Variants in SUGCT observed in about 807,000 individuals in gnomAD.
SUGCT encodes the protein succinyl-CoA:glutarate-CoA transferase.
Under a neutral mutation model 55.0 loss-of-function variants are expected in SUGCT, and 41 were observed. The ratio of observed to expected loss-of-function variants is 0.74; its 90% CI spans 0.58 to 0.97. SUGCT has a LOEUF of 0.97. SUGCT is among the 50% of genes least tolerant of loss of function. The pLI is 0.00. For synonymous variants in SUGCT, 187 were observed against 200.4 expected, an observed-to-expected ratio of 0.93 and a Z score of 0.56; for missense variants, 568 against 547.8, an observed-to-expected ratio of 1.04 and a Z score of -0.37.
chr7:40,887,085 T>A, the SUGCT span, among the ~76,000 whole-genome samples: 1 of 152,164 alleles, frequency 6.6e-6, no homozygotes, highest in Non-Finnish European at 1.5e-5. Context: ...TTTGAGGACC[T>A]CAAGGTGGAA....
chr7:40,260,958 G>A (rs552606438), intron 7 of SUGCT, among the ~76,000 whole-genome samples: 1 of 152,270 alleles, frequency 6.6e-6, no homozygotes, highest in East Asian at 1.9e-4. Flanking sequence ...TTTTATTAAA[G>A]CAAGGAACCC....
intron 3 of SUGCT, among the ~76,000 whole-genome samples, chr7:40,188,109 T>G (rs189653941): frequency 7.8e-4 from 119 of 151,852 alleles, no homozygotes; most frequent in African/African-American, 2.7e-3. Flanking sequence ...GGTAGTACTA[T>G]TTTTATTTTT....
At chr7:40,379,822 A>G (rs1784782736) in intron 9 of SUGCT, among the ~76,000 whole-genome samples, 1 of 152,196 alleles carries the variant, frequency 6.6e-6, no homozygotes, top group African/African-American at 2.4e-5. Context: ...TGAGCTGTGC[A>G]CAGCCCTGGG....
intron 6 of SUGCT, among the ~76,000 whole-genome samples, chr7:40,199,600 G>A (rs1163527160): frequency 1.3e-5 from 2 of 151,930 alleles, no homozygotes; most frequent in African/African-American, 4.8e-5. Context: ...TCTTTCCCTC[G>A]TATCTTCTGA....
At chr7:40,296,891 T>C (rs1175092041) in intron 8 of SUGCT, among the ~76,000 whole-genome samples, 2 of 152,130 alleles carry the variant, frequency 1.3e-5, no homozygotes, top group African/African-American at 4.8e-5. Flanking sequence ...CCAAACTACA[T>C]TGATTTAAAT....
intron 13 of SUGCT, among the ~76,000 whole-genome samples, chr7:40,803,714 C>G (rs1324850468): frequency 6.6e-6 from 1 of 152,156 alleles, no homozygotes; most frequent in Non-Finnish European, 1.5e-5. Flanking sequence ...CAACTAGACA[C>G]AAATTCTTTG....
At chr7:40,620,672 G>A (rs1218020109) in intron 12 of SUGCT, among the ~76,000 whole-genome samples, 1 of 152,024 alleles carries the variant, frequency 6.6e-6, no homozygotes, top group African/African-American at 2.4e-5. Context: ...CAAAGTGCTG[G>A]GATTACAGGG....
intron 9 of SUGCT, among the ~76,000 whole-genome samples, chr7:40,404,480 C>T (rs566738896): frequency 2.0e-5 from 3 of 151,998 alleles, no homozygotes; most frequent in African/African-American, 7.2e-5. Context: ...CTCTGTCACC[C>T]AGGCTGGAGT....
intron 12 of SUGCT, among the ~76,000 whole-genome samples, chr7:40,711,703 C>A (rs1007510143): frequency 9.2e-5 from 14 of 152,204 alleles, no homozygotes; most frequent in African/African-American, 3.1e-4. Flanking sequence ...CCCTATGGAA[C>A]CTTATCACTA....
intron 12 of SUGCT, among the ~76,000 whole-genome samples, chr7:40,702,110 C>G (rs1261015441): frequency 6.6e-6 from 1 of 152,198 alleles, no homozygotes; most frequent in Non-Finnish European, 1.5e-5. Context: ...AAATAACCCT[C>G]AAAGCCACCA....
intron 9 of SUGCT, among the ~76,000 whole-genome samples, chr7:40,355,502 G>A (rs934966408): frequency 3.9e-5 from 6 of 152,144 alleles, no homozygotes; most frequent in African/African-American, 7.2e-5. Flanking sequence ...GCAGGAGTTG[G>A]CAGACTTTTT....
chr7:40,590,974 G>A (rs188017191), intron 12 of SUGCT, among the ~76,000 whole-genome samples: 75 of 152,278 alleles, frequency 4.9e-4, no homozygotes, highest in African/African-American at 1.7e-3. Flanking sequence ...GAGCGCTGAT[G>A]GAGATGTGTA....
chr7:40,182,670 T>C (rs1785286350), intron 3 of SUGCT, among the ~76,000 whole-genome samples: 1 of 152,216 alleles, frequency 6.6e-6, no homozygotes. Flanking sequence ...TGCCTGGGCT[T>C]ATTTAATCTT....
the SUGCT span, among the ~76,000 whole-genome samples, chr7:40,891,951 T>C: frequency 1.3e-5 from 2 of 151,980 alleles, no homozygotes; most frequent in Non-Finnish European, 2.9e-5. Flanking sequence ...GAGATTGTGG[T>C]GAGCCGAGAT....
chr7:40,320,676 T>C (rs942610551), intron 9 of SUGCT, among the ~76,000 whole-genome samples: 1 of 152,232 alleles, frequency 6.6e-6, no homozygotes, highest in Non-Finnish European at 1.5e-5. Flanking sequence ...CTCCTTTGTT[T>C]GTGACCCACA....
chr7:40,965,060 G>A, the SUGCT span: 2 of 152,328 alleles, frequency 1.3e-5, no homozygotes, highest in East Asian at 3.9e-4. Context: ...GCATTTTAAG[G>A]TTGTGCCCTT....
the SUGCT span, among the ~76,000 whole-genome samples, chr7:40,900,786 A>G: frequency 3.3e-5 from 5 of 152,256 alleles, no homozygotes; most frequent in African/African-American, 4.8e-5. Context: ...GCTGGGCTGC[A>G]GTGAAAGGGA....
intron 13 of SUGCT, among the ~76,000 whole-genome samples, chr7:40,857,630 C>T (rs1302876329): frequency 6.6e-6 from 1 of 152,022 alleles, no homozygotes; most frequent in Non-Finnish European, 1.5e-5. Flanking sequence ...CTGAAGAATT[C>T]CCTCATTCGA....
chr7:40,869,217 A>G, the SUGCT span, among the ~76,000 whole-genome samples: 2 of 152,186 alleles, frequency 1.3e-5, no homozygotes, highest in Non-Finnish European at 1.5e-5. Context: ...TGATCTTAGT[A>G]TAGAGAGACT....
Sources: allele counts gnomAD v4.1 joint callset (sites outside exome capture counted in the v4.1 genomes callset), GRCh38; gene constraint gnomAD v4.1.1; transcripts MANE v1.5; gene names NCBI Gene and HGNC (gene_info 2026-07-23, HGNC 2026-07-21).